Variants in PTPRG observed in about 807,000 individuals in gnomAD.
PTPRG encodes the protein protein tyrosine phosphatase receptor type G, also known as receptor-type tyrosine-protein phosphatase gamma.
PTPRG carries 102 observed loss-of-function variants against 165.3 expected under a neutral mutation model. The ratio of observed to expected loss-of-function variants is 0.62; its 90% CI spans 0.53 to 0.73. The LOEUF is 0.73. Ranked by LOEUF, PTPRG falls within the 30% of genes least tolerant of loss-of-function variation. The pLI, the probability that PTPRG is intolerant of heterozygous loss-of-function variation, is 0.00. For missense variants in PTPRG, 1,866 were observed against 1,861.4 expected, an observed-to-expected ratio of 1.00 and a Z score of -0.05; for synonymous variants, 675 against 669.5, an observed-to-expected ratio of 1.01 and a Z score of -0.13.
chr3:61,988,772 G>T (rs1454814120), intron 2 of PTPRG, among the ~76,000 whole-genome samples: 1 of 152,150 alleles, frequency 6.6e-6, no homozygotes, highest in African/African-American at 2.4e-5. Flanking sequence ...TTAAAAGTAG[G>T]ATGCAGAAAA....
chr3:62,286,341 C>CCTTTCTGCCCTACTG (rs1702659122), intron 28 of PTPRG, among the ~76,000 whole-genome samples: 1 of 151,998 alleles, frequency 6.6e-6, no homozygotes, highest in Non-Finnish European at 1.5e-5. Flanking sequence ...TTTTTGTTTT[C>CCTTTCTGCCCTACTG]CTTTCTGCCC....
chr3:61,927,373 G>A (rs914459315), intron 2 of PTPRG, among the ~76,000 whole-genome samples: 5 of 152,160 alleles, frequency 3.3e-5, no homozygotes, highest in African/African-American at 9.7e-5. Flanking sequence ...GCTCTCAAAT[G>A]TCCCTTGAAT....
chr3:61,587,503 C>G (rs1700459439), intron 1 of PTPRG, among the ~76,000 whole-genome samples: 1 of 152,014 alleles, frequency 6.6e-6, no homozygotes, highest in South Asian at 2.1e-4. Flanking sequence ...CAGGGACTTT[C>G]TCTTGCTTAA....
intron 4 of PTPRG, among the ~76,000 whole-genome samples, chr3:62,045,548 C>T (rs1314166918): frequency 1.3e-5 from 2 of 152,210 alleles, no homozygotes; most frequent in African/African-American, 2.4e-5. Context: ...CTCTGCAAAT[C>T]AGAAGCTTAT....
intron 17 of PTPRG, chr3:62,263,169 A>C (rs1701753250): frequency 3.3e-6 from 1 of 307,530 alleles, no homozygotes; most frequent in Non-Finnish European, 6.0e-6. Flanking sequence ...ATGTCATATC[A>C]CATGTTGGGA....
In PTPRG at chr3:62,195,026, A is replaced by C; in HGVS notation, c.1219-36A>C. 1 of 1,603,650 alleles carries C rather than the reference A, an allele frequency of 6.2e-7. No homozygotes were observed. Among genetic ancestry groups the C allele is most frequent in the South Asian group, 1.1e-5 (1 of 90,888 alleles). ...AATGCAAAGTGTGCCTTGGCCTTCA[A>C]AACTAACTCACTGCTTTTTCCTTCT... On this transcript the variant is annotated intron_variant, in intron 9 of 29. Coordinates refer to ENST00000474889, the MANE Select transcript of PTPRG (RefSeq NM_002841.4). The surrounding 1 kb of genome is among the most constrained non-coding windows in gnomAD (Gnocchi z 4.4).
At chr3:61,622,018 T>C (rs1163012701) in intron 1 of PTPRG, among the ~76,000 whole-genome samples, 3 of 152,174 alleles carry the variant, frequency 2.0e-5, no homozygotes, top group African/African-American at 7.2e-5. Context: ...AAGTCATCAC[T>C]CAACTTCAGA....
intron 1 of PTPRG, among the ~76,000 whole-genome samples, chr3:61,705,827 C>G (rs960526373): frequency 6.6e-6 from 1 of 152,132 alleles, no homozygotes; most frequent in African/African-American, 2.4e-5. Context: ...CCGTGAGGTG[C>G]CCTCTTCAAT....
intron 4 of PTPRG, among the ~76,000 whole-genome samples, chr3:62,071,837 G>A (rs1181567856): frequency 2.0e-5 from 3 of 152,116 alleles, no homozygotes; most frequent in African/African-American, 7.2e-5. Context: ...CCTATAAAAT[G>A]AGAATCGTAC....
chr3:62,033,544 C>T (rs113814815), intron 4 of PTPRG, among the ~76,000 whole-genome samples: 4,700 of 148,470 alleles, frequency 0.032, 77 homozygotes, highest in South Asian at 0.06. Flanking sequence ...CCCCCCACCC[C>T]CCACCAGAGA....
chr3:62,159,334 A>AG (rs1290687796), intron 7 of PTPRG, among the ~76,000 whole-genome samples: 3 of 152,100 alleles, frequency 2.0e-5, no homozygotes, highest in East Asian at 3.9e-4. Context: ...GTCTCAAAAA[A>AG]AAAAGAGAAA....
At position 62,233,485 on chromosome 3, in the gene PTPRG, G is replaced by A. The variant is rs955090691; in HGVS notation, c.2375+2174G>A. Among the ~76,000 whole-genome samples the A allele has an allele frequency of 6.6e-6, 1 of 152,152 alleles. No individual in the cohort carries two copies. The highest frequency in any genetic ancestry group is 6.5e-5 in the Admixed American group (1 of 15,276). On this transcript the variant is annotated intron_variant, in intron 14 of 29. Transcript: ENST00000474889. This position sits in a 1 kb window ranked among gnomAD's most constrained non-coding sequence, Gnocchi z 4.7. ...TCTGTCAGGCTTCTGCAGGAGGCTG[G>A]AATGCAAGCCCTTCAACCAGGCTCT...
chr3:61,814,475 T>C (rs978143017), intron 2 of PTPRG, among the ~76,000 whole-genome samples: 3 of 152,108 alleles, frequency 2.0e-5, no homozygotes, highest in African/African-American at 7.2e-5. Flanking sequence ...TTTGTTGATA[T>C]CTGACTTACT....
chr3:61,836,773 C>T lies in PTPRG; in HGVS notation c.190+87791C>T, dbSNP rs371192517. On this transcript the variant is annotated intron_variant, in intron 2 of 29. Transcript: ENST00000474889. ...TTTATTTGTTTTTTTCAGACGGAGT[C>T]TCTGTCTGTCACCCAGGCTGGAGTG... Among the ~76,000 whole-genome samples the T allele has an allele frequency of 1.0e-3, 156 of 152,080 alleles. 7 individuals carry two copies. The South Asian group carries it at 0.031, about 30-fold the overall frequency.
intron 10 of PTPRG, among the ~76,000 whole-genome samples, chr3:62,200,161 G>A (rs1484800172): frequency 1.3e-5 from 2 of 152,064 alleles, no homozygotes; most frequent in African/African-American, 2.4e-5. Context: ...TTCTGGAGAC[G>A]GATAGAAGTA....
chr3:61,674,664 T>C (rs1703161294), intron 1 of PTPRG, among the ~76,000 whole-genome samples: 1 of 152,110 alleles, frequency 6.6e-6, no homozygotes, highest in South Asian at 2.1e-4. Flanking sequence ...TGGTTGAAAA[T>C]GAATTAAAAA....
At chr3:61,685,563 C>A (rs1703597458) in intron 1 of PTPRG, among the ~76,000 whole-genome samples, 1 of 152,186 alleles carries the variant, frequency 6.6e-6, no homozygotes, top group African/African-American at 2.4e-5. Context: ...ACCCCTGACT[C>A]CTTGCAGCCC....
At chr3:62,123,942 A>G (rs1052091023) in intron 5 of PTPRG, among the ~76,000 whole-genome samples, 2 of 152,200 alleles carry the variant, frequency 1.3e-5, no homozygotes, top group Non-Finnish European at 2.9e-5. Flanking sequence ...TGGTGGGAAT[A>G]GTATATGAAA....
chr3:61,646,402 G>A lies in PTPRG; in HGVS notation c.85+84030G>A, dbSNP rs57251522. On this transcript the variant is annotated intron_variant, in intron 1 of 29. Transcript: ENST00000474889. ...CCTGGGATCAAAGGCATGAGCCACC[G>A]CTCCTGGCCAGATCATCTAATTCTT... 7.5e-3 allele frequency among the ~76,000 whole-genome samples: 1,146 copies of A among 152,252 alleles called. 15 individuals carry two copies. Among genetic ancestry groups the A allele is most frequent in the African/African-American group, 0.026 (1,087 of 41,530 alleles).
Sources: gnomAD v4.1 joint callset for allele counts (sites outside exome capture counted in the v4.1 genomes callset) on GRCh38, gnomAD v4.1.1 for gene constraint, Gnocchi (gnomAD v3.1) non-coding constraint, MANE v1.5 for transcripts, NCBI Gene and HGNC (gene_info 2026-07-23, HGNC 2026-07-21) for gene names.